The following TACC1 variants were observed in gnomAD, a reference collection of about 807,000 sequenced individuals.
TACC1 encodes the protein transforming acidic coiled-coil containing protein 1.
A neutral mutation model predicts 84.4 loss-of-function variants in TACC1; 48 were observed. That is an observed-to-expected ratio of 0.57 (90% CI 0.45 to 0.72). The LOEUF is 0.72. TACC1 is among the 30% of genes least tolerant of loss of function. The probability of loss-of-function intolerance (pLI) is 0.00; values close to 1 mark genes in which losing one functional copy is unlikely to be tolerated. For missense variants in TACC1, 920 were observed against 973.0 expected (o/e 0.95, Z 0.72); for synonymous variants, 372 against 376.3 (o/e 0.99, Z 0.13).
chr8:38,807,785 C>T (rs1305735457), intron 2 of TACC1, among the ~76,000 whole-genome samples: 2 of 152,194 alleles, frequency 1.3e-5, no homozygotes, highest in Non-Finnish European at 2.9e-5. Context: ...TTCAACATAA[C>T]AGGGTACAAA....
chr8:38,846,173 C>T (rs1344159634), intron 11 of TACC1: 1 of 149,884 alleles, frequency 6.7e-6, no homozygotes, highest in Middle Eastern at 3.2e-3. Context: ...GTCCCAGCTA[C>T]TCGGAGAGGC....
At chr8:38,788,327 T>G in intron 1 of TACC1, 1 of 186,052 alleles carries the variant, frequency 5.4e-6, no homozygotes, top group South Asian at 1.1e-4. Context: ...ATGCCTAGCA[T>G]CGGCCTAACT....
intron 3 of TACC1, chr8:38,757,333 A>G (rs1264648382): frequency 3.9e-6 from 5 of 1,266,526 alleles, no homozygotes; most frequent in South Asian, 2.5e-5. Flanking sequence ...GTTCTGCGCC[A>G]TGGGAGGCTC....
rs1372877549 is a variant in TACC1 at position 38,757,411 on chromosome 8, T to G, written c.26+11918T>G. On this transcript the variant is annotated intron_variant, in intron 3 of 14. Transcript: ENST00000518415. ...GCACCCGAGACCCACGGAGACCGCG[T>G]GAGTCCCAGAGCCCTCTCCAAGGGC... The G allele has an allele frequency of 3.2e-6, 4 of 1,242,530 alleles. No homozygotes were observed. The African/African-American group carries it at 6.5e-5, about 20-fold the overall frequency. 77.0% of individuals were successfully genotyped at this position (1,242,530 alleles called of 1,614,324 possible).
upstream of TACC1, among the ~76,000 whole-genome samples, chr8:38,786,585 T>C (rs1251550498): frequency 1.3e-5 from 2 of 152,078 alleles, no homozygotes; most frequent in African/African-American, 4.8e-5. Flanking sequence ...CAGGCTGTAA[T>C]CTCACAGGGA....
intron 6 of TACC1, 126 bp from the exon 7 acceptor site, chr8:38,836,036 C>T (rs565733528): frequency 1.3e-4 from 171 of 1,316,678 alleles, no homozygotes; most frequent in African/African-American, 3.6e-4. Flanking sequence ...AGCTTCCCCC[C>T]GCTGACTTTT....
At chr8:38,767,221 G>C (rs1490037840) in intron 3 of TACC1, among the ~76,000 whole-genome samples, 1 of 152,226 alleles carries the variant, frequency 6.6e-6, no homozygotes, top group Non-Finnish European at 1.5e-5. Flanking sequence ...AGATACGAAG[G>C]TAGGAAGATG....
chr8:38,842,387 C>G lies in TACC1; in HGVS notation c.2061C>G (p.Ser687=). Reference sequence around the variant, plus strand: ...CTGACCTTAACTCTGTGGAAAGGTCCCTTTCTGATCTCTTCAGGAGATATG... The same window carrying G: ...CTGACCTTAACTCTGTGGAAAGGTCGCTTTCTGATCTCTTCAGGAGATATG... ...ALADLNSVER[S]LSDLFRRYEN... Residue 687 remains serine (S), a synonymous_variant, in exon 10 of 13, where the codon TCC becomes TCG. Coordinates refer to ENST00000317827, the MANE Select transcript of TACC1 (RefSeq NM_006283.3). 6.2e-7 allele frequency: 1 copy of G among 1,614,152 alleles called. No homozygotes were observed. The highest frequency in any genetic ancestry group is 8.5e-7 in the Non-Finnish European group (1 of 1,180,024).
At chr8:38,813,852 C>T (rs1362491210) in intron 2 of TACC1, among the ~76,000 whole-genome samples, 2 of 152,126 alleles carry the variant, frequency 1.3e-5, no homozygotes, top group African/African-American at 4.8e-5. Context: ...TTGGTCTCGG[C>T]AGAAATCCAC....
At chr8:38,757,514 C>T in intron 3 of TACC1, 1 of 1,085,164 alleles carries the variant, frequency 9.2e-7, no homozygotes, top group Non-Finnish European at 1.1e-6. Context: ...AGGTGGGGTT[C>T]CCGCTGGCGG....
chr8:38,781,365 T>C (rs1017368922), intron 3 of TACC1, among the ~76,000 whole-genome samples: 3 of 151,646 alleles, frequency 2.0e-5, no homozygotes, highest in Admixed American at 6.6e-5. Context: ...AAAATGGCTG[T>C]AGGAGAAGAA....
chr8:38,738,979 C>T (rs935846905), intron 1 of TACC1, among the ~76,000 whole-genome samples: 1 of 152,176 alleles, frequency 6.6e-6, no homozygotes, highest in Non-Finnish European at 1.5e-5. Context: ...CAACCTCCGC[C>T]TCCCAGGTTC....
rs775387680 is a variant in TACC1 at position 38,820,362 on chromosome 8, G to A, written c.1118G>A (p.Arg373Gln). 14 of 1,614,008 alleles carry A rather than the reference G, an allele frequency of 8.7e-6. No individual in the cohort carries two copies. The highest frequency in any genetic ancestry group is 2.7e-5 in the African/African-American group (2 of 74,912). Residue 373 changes from arginine to glutamine, a missense_variant, in exon 3 of 13, where the codon CGA (arginine) becomes CAA (glutamine). This residue lies in a region of TACC1 where 762 missense variants were observed against 747.3 expected (regional missense o/e 1.02). Coordinates refer to ENST00000317827, the MANE Select transcript of TACC1 (RefSeq NM_006283.3). ...GAACAGCCTACAGACCCAGTGGCAC[G>A]AGACGGGCCTCTCTCCCAAACATCT... ...GLEQPTDPVA[R>Q]DGPLSQTSSK...
intron 11 of TACC1, 183 bp downstream of exon 11, chr8:38,843,578 C>T (rs1447963280): frequency 2.7e-6 from 1 of 370,402 alleles, no homozygotes; most frequent in Non-Finnish European, 4.8e-6. Context: ...CTGCTCCTGC[C>T]TCCTTCCACT....
intron 3 of TACC1, among the ~76,000 whole-genome samples, chr8:38,755,518 C>T (rs900906308): frequency 6.6e-6 from 1 of 151,552 alleles, no homozygotes; most frequent in African/African-American, 2.4e-5. Context: ...GCCTGGGCAA[C>T]ATAGTGAGAC....
intron 3 of TACC1, among the ~76,000 whole-genome samples, chr8:38,769,674 T>G (rs1813130113): frequency 7.6e-6 from 1 of 132,106 alleles, no homozygotes; most frequent in African/African-American, 3.0e-5. Context: ...AGACTGGGTA[T>G]GGGTGAGGGT....
chr8:38,755,816 A>ATTG (rs1374231176), intron 3 of TACC1, among the ~76,000 whole-genome samples: 47 of 150,586 alleles, frequency 3.1e-4, no homozygotes, highest in Admixed American at 3.1e-3. Context: ...AGAGATCATT[A>ATTG]TTATTATTAT....
At chr8:38,737,730 C>CT (rs11327216) in intron 1 of TACC1, among the ~76,000 whole-genome samples, 7,891 of 143,316 alleles carry the variant, frequency 0.055, 268 homozygotes, top group Non-Finnish European at 0.087. Flanking sequence ...GGGAGCCATT[C>CT]TTTTTTTTTT....
At chr8:38,828,404 A>T (rs1828571048) in intron 5 of TACC1, among the ~76,000 whole-genome samples, 1 of 152,224 alleles carries the variant, frequency 6.6e-6, no homozygotes, top group Non-Finnish European at 1.5e-5. Context: ...GTACAAATAT[A>T]TTTAATATAA....
Sources: allele counts gnomAD v4.1 joint callset (sites outside exome capture counted in the v4.1 genomes callset), GRCh38; gene constraint gnomAD v4.1.1; regional missense constraint gnomAD v4.1.1; transcripts MANE v1.5; gene names NCBI Gene and HGNC (gene_info 2026-07-23, HGNC 2026-07-21).